Variants in BMAL2 observed in about 807,000 individuals in gnomAD.
The protein encoded by BMAL2 is basic helix-loop-helix ARNT-like protein 2.
the BMAL2 span, among the ~76,000 whole-genome samples, chr12:27,339,636 T>G: frequency 8.6e-3 from 1,313 of 152,150 alleles, 10 homozygotes; most frequent in Non-Finnish European, 0.014. Context: ...ACCTTTTTTT[T>G]TTTTTTGAGA....
At chr12:27,416,464 A>G in the BMAL2 span, among the ~76,000 whole-genome samples, 1 of 152,212 alleles carries the variant, frequency 6.6e-6, no homozygotes, top group Non-Finnish European at 1.5e-5. Context: ...TCAATTGAAC[A>G]AATACTAGCT....
At chr12:27,416,174 C>T in the BMAL2 span, among the ~76,000 whole-genome samples, 2 of 152,298 alleles carry the variant, frequency 1.3e-5, no homozygotes, top group Admixed American at 1.3e-4. Flanking sequence ...GATGTAACCT[C>T]AGACTTTTAC....
chr12:27,415,024 A>C, the BMAL2 span, among the ~76,000 whole-genome samples: 1 of 152,222 alleles, frequency 6.6e-6, no homozygotes, highest in African/African-American at 2.4e-5. Flanking sequence ...AGAAAAAAAA[A>C]GCTGACTAAA....
the BMAL2 span, among the ~76,000 whole-genome samples, chr12:27,335,342 T>G: frequency 6.6e-6 from 1 of 152,196 alleles, no homozygotes; most frequent in Non-Finnish European, 1.5e-5. Context: ...AATAAATGAT[T>G]CCAGAATCCT....
At chr12:27,401,396 G>C in the BMAL2 span, 1 of 1,576,850 alleles carries the variant, frequency 6.3e-7, no homozygotes, top group Non-Finnish European at 8.7e-7. Flanking sequence ...ACATTTTGGG[G>C]AATTTAAAAT....
At chr12:27,346,369 T>C in the BMAL2 span, among the ~76,000 whole-genome samples, 1 of 152,206 alleles carries the variant, frequency 6.6e-6, no homozygotes, top group African/African-American at 2.4e-5. Flanking sequence ...CAAGCGATTC[T>C]CCTGTGTCAG....
the BMAL2 span, chr12:27,376,266 A>T: frequency 3.9e-6 from 5 of 1,269,770 alleles, no homozygotes; most frequent in Non-Finnish European, 5.7e-6. Flanking sequence ...GATTGGACTT[A>T]ATCTCACATC....
At chr12:27,368,846 A>G in the BMAL2 span, among the ~76,000 whole-genome samples, 1 of 152,176 alleles carries the variant, frequency 6.6e-6, no homozygotes, top group African/African-American at 2.4e-5. Flanking sequence ...TGCTTTCCCT[A>G]TTTATTAAGT....
the BMAL2 span, chr12:27,380,274 G>A: frequency 6.2e-7 from 1 of 1,614,158 alleles, no homozygotes; most frequent in Non-Finnish European, 8.5e-7. Flanking sequence ...CTGAAAAGCG[G>A]AGGAGAGATA....
the BMAL2 span, chr12:27,368,390 G>A: frequency 1.7e-4 from 279 of 1,613,956 alleles, no homozygotes; most frequent in Non-Finnish European, 2.3e-4. Flanking sequence ...AAAACGCAAA[G>A]GAAGTGATTC....
the BMAL2 span, chr12:27,401,324 C>G: frequency 1.9e-6 from 3 of 1,614,040 alleles, no homozygotes; most frequent in Non-Finnish European, 2.5e-6. Context: ...ATATTTTCAT[C>G]AAGATGACCA....
chr12:27,399,831 G>C, the BMAL2 span, among the ~76,000 whole-genome samples: 1 of 151,908 alleles, frequency 6.6e-6, no homozygotes, highest in Non-Finnish European at 1.5e-5. Context: ...GTTTATGCCC[G>C]TATTGGATTT....
chr12:27,399,495 T>C, the BMAL2 span, among the ~76,000 whole-genome samples: 1 of 152,192 alleles, frequency 6.6e-6, no homozygotes, highest in Non-Finnish European at 1.5e-5. Context: ...GAACATCCCA[T>C]AGAGCTGTTA....
At chr12:27,377,855 G>A in the BMAL2 span, among the ~76,000 whole-genome samples, 36 of 152,320 alleles carry the variant, frequency 2.4e-4, no homozygotes, top group South Asian at 5.8e-3. Context: ...GCCCAACAGT[G>A]TGTATTTTGT....
At chr12:27,355,345 A>G in the BMAL2 span, among the ~76,000 whole-genome samples, 2 of 152,156 alleles carry the variant, frequency 1.3e-5, no homozygotes, top group African/African-American at 4.8e-5. Context: ...AATCAGCTGG[A>G]AATTCTTCAC....
chr12:27,390,296 A>G, the BMAL2 span: 1 of 1,531,950 alleles, frequency 6.5e-7, no homozygotes, highest in Non-Finnish European at 9.0e-7. Context: ...AATGTCCTAA[A>G]TATTTTCTGT....
the BMAL2 span, chr12:27,422,123 C>T: frequency 6.6e-6 from 1 of 152,148 alleles, no homozygotes; most frequent in Non-Finnish European, 1.5e-5. Context: ...TAAAATACTG[C>T]ATGTCTACCT....
the BMAL2 span, among the ~76,000 whole-genome samples, chr12:27,372,855 A>C: frequency 2.6e-5 from 4 of 152,028 alleles, no homozygotes; most frequent in African/African-American, 4.8e-5. Context: ...TTGTATTATT[A>C]GTAGAGACGG....
the BMAL2 span, among the ~76,000 whole-genome samples, chr12:27,344,823 A>G: frequency 6.6e-6 from 1 of 152,220 alleles, no homozygotes; most frequent in Non-Finnish European, 1.5e-5. Flanking sequence ...CACATGCTAA[A>G]TGGGGATAGT....
Sources: allele counts gnomAD v4.1 joint callset (sites outside exome capture counted in the v4.1 genomes callset), GRCh38; gene constraint gnomAD v4.1.1; transcripts MANE v1.5; gene names NCBI Gene and HGNC (gene_info 2026-07-23, HGNC 2026-07-21).